ELMO1: variants seen among roughly 807,000 people sequenced by gnomAD.
The protein encoded by ELMO1 is engulfment and cell motility 1.
Under a neutral mutation model 98.9 loss-of-function variants are expected in ELMO1, and 26 were observed. The observed-to-expected ratio is 0.26, with a 90% CI of 0.19 to 0.36. ELMO1 has a LOEUF of 0.36. Among genes scored for constraint, ELMO1 ranks in the 10% least tolerant of loss-of-function variants. The pLI, the probability that ELMO1 is intolerant of heterozygous loss-of-function variation, is 1.00. For missense variants in ELMO1, 627 were observed against 935.2 expected, an observed-to-expected ratio of 0.67 and a Z score of 4.30; for synonymous variants, 346 against 346.0, an observed-to-expected ratio of 1.00 and a Z score of 0.00.
intron 1 of ELMO1, among the ~76,000 whole-genome samples, chr7:37,441,924 C>CT (rs1805430672): frequency 6.6e-6 from 1 of 152,172 alleles, no homozygotes; most frequent in Non-Finnish European, 1.5e-5. Flanking sequence ...ACCTTAGACT[C>CT]TAAGGAATAA....
chr7:36,874,481 A>T (rs971798673), intron 19 of ELMO1, among the ~76,000 whole-genome samples: 2 of 152,248 alleles, frequency 1.3e-5, no homozygotes, highest in Non-Finnish European at 2.9e-5. Flanking sequence ...GCATATAGTA[A>T]GCACTCAATA....
intron 1 of ELMO1, among the ~76,000 whole-genome samples, chr7:37,389,653 T>C (rs1280829092): frequency 6.6e-6 from 1 of 152,142 alleles, no homozygotes; most frequent in African/African-American, 2.4e-5. Context: ...AATAGCTTGG[T>C]CACAGGTAGT....
intron 7 of ELMO1, among the ~76,000 whole-genome samples, chr7:37,235,429 G>A (rs1398656185): frequency 6.6e-6 from 1 of 152,072 alleles, no homozygotes; most frequent in African/African-American, 2.4e-5. Context: ...CTTAAAAAGA[G>A]GAAAAACAAG....
intron 4 of ELMO1, among the ~76,000 whole-genome samples, chr7:37,297,083 C>G (rs1375287464): frequency 6.6e-6 from 1 of 152,016 alleles, no homozygotes; most frequent in Non-Finnish European, 1.5e-5. Context: ...TAAATATATG[C>G]ATGGGGGAGG....
chr7:37,136,084 A>C (rs537946037), intron 13 of ELMO1, among the ~76,000 whole-genome samples: 2 of 152,326 alleles, frequency 1.3e-5, no homozygotes, highest in South Asian at 4.1e-4. Context: ...AATTCACTGG[A>C]AAGTAACAGC....
At chr7:37,235,334 A>G (rs1374998138) in intron 7 of ELMO1, among the ~76,000 whole-genome samples, 1 of 152,234 alleles carries the variant, frequency 6.6e-6, no homozygotes, top group African/African-American at 2.4e-5. Context: ...TAGACTGGGT[A>G]GGCATTAGTA....
rs942687434 is a variant in ELMO1 at position 37,059,419 on chromosome 7, G to A, written c.1300+37200C>T. Among the ~76,000 whole-genome samples, 11 of 152,256 alleles carry A rather than the reference G, an allele frequency of 7.2e-5. 3 individuals carry two copies. In the Middle Eastern group the frequency reaches 0.02, roughly 282 times the overall value. On this transcript the variant is annotated intron_variant, in intron 15 of 21. Coordinates refer to ENST00000310758, the MANE Select transcript of ELMO1 (RefSeq NM_014800.11). ...CTTGCTGAAAACTAATATTATGTGC[G>A]TCAATCTTCTAGTATAGCATAGTAG...
At chr7:37,425,946 G>A (rs1804679875) in intron 1 of ELMO1, among the ~76,000 whole-genome samples, 1 of 152,062 alleles carries the variant, frequency 6.6e-6, no homozygotes, top group South Asian at 2.1e-4. Flanking sequence ...GGACCCTCAT[G>A]CCTAGCAGTT....
intron 2 of ELMO1, among the ~76,000 whole-genome samples, chr7:37,322,727 C>T (rs1799587173): frequency 6.6e-6 from 1 of 151,846 alleles, no homozygotes; most frequent in Non-Finnish European, 1.5e-5. Flanking sequence ...TGCTTGAGCC[C>T]AGGAAGCAGA....
intron 13 of ELMO1, among the ~76,000 whole-genome samples, chr7:37,159,070 C>T (rs1360434240): frequency 2.6e-5 from 4 of 152,284 alleles, no homozygotes; most frequent in African/African-American, 9.6e-5. Context: ...AACCTAACAC[C>T]ACATGTTCCC....
chr7:37,041,075 G>A (rs1186532265), intron 15 of ELMO1, among the ~76,000 whole-genome samples: 4 of 151,988 alleles, frequency 2.6e-5, no homozygotes, highest in South Asian at 2.1e-4. Flanking sequence ...GTGAGATTCC[G>A]TCTCAAAAAA....
At chr7:37,101,001 G>A (rs1351450818) in intron 14 of ELMO1, among the ~76,000 whole-genome samples, 1 of 152,228 alleles carries the variant, frequency 6.6e-6, no homozygotes, top group East Asian at 1.9e-4. Flanking sequence ...TGCCTTCAGA[G>A]AGTTCGTGTT....
intron 15 of ELMO1, among the ~76,000 whole-genome samples, chr7:37,081,386 T>A (rs145055245): frequency 3.3e-5 from 5 of 152,216 alleles, no homozygotes; most frequent in Admixed American, 2.0e-4. Context: ...TAAAGTAATA[T>A]GCGTATTAGT....
intron 16 of ELMO1, among the ~76,000 whole-genome samples, chr7:36,902,750 T>C (rs958101156): frequency 5.9e-5 from 9 of 152,138 alleles, no homozygotes; most frequent in African/African-American, 2.2e-4. Flanking sequence ...TAATGAAACT[T>C]CTTGAGCTTG....
intron 5 of ELMO1, among the ~76,000 whole-genome samples, chr7:37,261,752 G>T (rs1795988299): frequency 6.6e-6 from 1 of 152,122 alleles, no homozygotes; most frequent in South Asian, 2.1e-4. Context: ...ACAAGTTCTT[G>T]CACCATGCCT....
intron 13 of ELMO1, among the ~76,000 whole-genome samples, chr7:37,162,509 A>G (rs1450575836): frequency 6.6e-6 from 1 of 152,196 alleles, no homozygotes; most frequent in Non-Finnish European, 1.5e-5. Context: ...ATGCATTTTC[A>G]TCTCTGCAGA....
At chr7:37,069,824 G>A (rs949714361) in intron 15 of ELMO1, among the ~76,000 whole-genome samples, 2 of 151,972 alleles carry the variant, frequency 1.3e-5, no homozygotes, top group East Asian at 1.9e-4. Flanking sequence ...ATTCTATTTC[G>A]ATCCATCTTA....
chr7:37,164,362 T>C (rs997325821), intron 13 of ELMO1, among the ~76,000 whole-genome samples: 96 of 152,078 alleles, frequency 6.3e-4, no homozygotes, highest in Non-Finnish European at 1.3e-3. Context: ...TTTGTCAATT[T>C]TGGCTTTTGT....
At chr7:37,260,243 C>G (rs182533839) in intron 5 of ELMO1, among the ~76,000 whole-genome samples, 2 of 152,294 alleles carry the variant, frequency 1.3e-5, no homozygotes, top group East Asian at 3.9e-4. Flanking sequence ...AAGCACTCTG[C>G]TATCATCATA....
Sources: allele counts gnomAD v4.1 joint callset (sites outside exome capture counted in the v4.1 genomes callset), GRCh38; gene constraint gnomAD v4.1.1; transcripts MANE v1.5; gene names NCBI Gene and HGNC (gene_info 2026-07-23, HGNC 2026-07-21).